NLRP3: variants seen among roughly 807,000 people sequenced by gnomAD.
The protein encoded by NLRP3 is NLR family pyrin domain containing 3.
Under a neutral mutation model 91.3 loss-of-function variants are expected in NLRP3, and 48 were observed. That is an observed-to-expected ratio of 0.53 (90% CI 0.42 to 0.67). NLRP3 has a LOEUF of 0.67. Ranked by LOEUF, NLRP3 falls within the 30% of genes least tolerant of loss-of-function variation. NLRP3 has a pLI of 0.00. For synonymous variants in NLRP3, 561 were observed against 507.9 expected (o/e 1.10, Z -1.41); for missense variants, 982 against 1,276.9 (o/e 0.77, Z 3.52).
intron 2 of NLRP3, 67 bp downstream of exon 2, chr1:247,419,144 T>TTATA (rs35723895): frequency 1.1e-4 from 106 of 966,882 alleles, no homozygotes; most frequent in East Asian, 8.0e-4. Flanking sequence ...TTTTCCATCT[T>TTATA]TATATATATA....
chr1:247,445,538 G>A (rs1022945823), intron 9 of NLRP3, among the ~76,000 whole-genome samples: 3 of 152,150 alleles, frequency 2.0e-5, no homozygotes, highest in African/African-American at 7.2e-5. Flanking sequence ...AGTGCTCCAG[G>A]AATAGCAAGA....
At chr1:247,431,549 C>A (rs1447887353) in intron 5 of NLRP3, among the ~76,000 whole-genome samples, 1 of 152,204 alleles carries the variant, frequency 6.6e-6, no homozygotes, top group Non-Finnish European at 1.5e-5. Context: ...AGACCATCAG[C>A]TCCCCGGGGA....
At chr1:247,444,256 A>G in intron 8 of NLRP3, 114 bp downstream of exon 8, 1 of 1,119,120 alleles carries the variant, frequency 8.9e-7, no homozygotes, top group South Asian at 1.3e-5. Flanking sequence ...GTGTCTTCTT[A>G]GTGTTTGCCT....
intron 9 of NLRP3, 86 bp downstream of exon 9, chr1:247,444,907 G>A (rs773255952): frequency 1.4e-4 from 191 of 1,409,828 alleles, no homozygotes; most frequent in Non-Finnish European, 1.7e-4. Flanking sequence ...GATGGCTCTC[G>A]CTTCATTTGC....
rs796602770 is a variant in NLRP3 at position 247,419,164 on chromosome 1, A to ATT, written c.277+95_277+96dup. 546 of 691,748 alleles carry ATT rather than the reference A, an allele frequency of 7.9e-4. 1 individual carries two copies. The highest frequency in any genetic ancestry group is 1.3e-3 in the South Asian group (39 of 29,152). 42.9% of individuals were successfully genotyped at this position (691,748 alleles called of 1,614,324 possible). ...CATCTTTATATATATATATATATAT[A>ATT]TTTTTTTTTGAGACGGAGTTGCTCT... is the stretch of plus-strand genomic sequence containing the variant. On this transcript the variant is annotated intron_variant, in intron 2 of 9. Coordinates refer to ENST00000336119, the MANE Select transcript of NLRP3 (RefSeq NM_001243133.2).
rs569434834 is a variant in NLRP3, at chr1:247,445,350, G to A, written c.3005+529G>A. Among the ~76,000 whole-genome samples the A allele has an allele frequency of 3.9e-5, 6 of 152,152 alleles. No homozygotes were observed. The South Asian group carries it at 1.0e-3, about 26-fold the overall frequency. On this transcript the variant is annotated intron_variant, in intron 9 of 9. Transcript: ENST00000336119. ...CAAGTAGCTGGGACCACAGGCGCCT[G>A]CCACCACACCCGGCTAATTTTTTGT...
intron 3 of NLRP3, 136 bp downstream of exon 3, chr1:247,423,485 C>A: frequency 9.2e-7 from 1 of 1,081,754 alleles, no homozygotes; most frequent in Non-Finnish European, 1.4e-6. Flanking sequence ...CTCAGGAAAT[C>A]CATTGTCAGT....
chr1:247,425,094 T>C lies in NLRP3; in HGVS notation c.1645T>C (p.Leu549=), dbSNP rs144469697. ...EGRTNVPGSR[L]KLPSRDVTVL... is the part of the protein sequence containing the mutation. ...AAGGACGAACGTTCCAGGGAGTCGT[T>C]TGAAGCTTCCCAGCCGAGACGTGAC... Residue 549 remains leucine, a synonymous_variant, in exon 4 of 10, where the codon TTG becomes CTG. Transcript: ENST00000336119. The surrounding 1 kb of genome is among the most constrained non-coding windows in gnomAD (Gnocchi z 4.1). 154 of 1,569,018 alleles carry C rather than the reference T, an allele frequency of 9.8e-5. No homozygotes were observed. The African/African-American group carries it at 1.2e-3, about 12-fold the overall frequency.
chr1:247,436,708 G>T (rs934580861), intron 7 of NLRP3, among the ~76,000 whole-genome samples: 1 of 152,220 alleles, frequency 6.6e-6, no homozygotes, highest in African/African-American at 2.4e-5. Flanking sequence ...TTTACCTCCT[G>T]TTGCAGAGAA....
intron 1 of NLRP3, among the ~76,000 whole-genome samples, chr1:247,417,836 G>A (rs983014922): frequency 1.3e-5 from 2 of 152,140 alleles, no homozygotes; most frequent in Non-Finnish European, 2.9e-5. Context: ...GTTGATAGAA[G>A]TGCAGTCAAA....
chr1:247,439,058 A>ATCTATCCATCCATCCG (rs1464308991), intron 7 of NLRP3, among the ~76,000 whole-genome samples: 2 of 152,046 alleles, frequency 1.3e-5, no homozygotes, highest in East Asian at 3.9e-4. Context: ...CCATCCATCC[A>ATCTATCCATCCATCCG]TCAATCCATC....
At chr1:247,429,890 T>C in intron 5 of NLRP3, 135 bp downstream of exon 5, 2 of 1,193,120 alleles carry the variant, frequency 1.7e-6, no homozygotes. Context: ...TTTTCTTTTT[T>C]TGAGGCAGAG....
In NLRP3 at chr1:247,418,947, T is replaced by C. The variant is rs199687987; in HGVS notation, c.147T>C (p.His49=). The C allele has an allele frequency of 6.3e-5, 101 of 1,614,018 alleles. No individual in the cohort carries two copies. The highest frequency in any genetic ancestry group is 8.4e-5 in the Non-Finnish European group (99 of 1,180,026). ...LPRGQTEKAD[H]VDLATLMIDF... ...GGGGTCAGACAGAGAAGGCAGACCA[T>C]GTGGATCTAGCCACGCTAATGATCG... Residue 49 remains histidine, a synonymous_variant, in exon 2 of 10, where the codon CAT becomes CAC. Transcript: ENST00000336119.
At chr1:247,422,943 C>T (rs564640520) in intron 2 of NLRP3, among the ~76,000 whole-genome samples, 4 of 152,186 alleles carry the variant, frequency 2.6e-5, no homozygotes, top group Non-Finnish European at 4.4e-5. Context: ...TAGCCTGCTT[C>T]GCATGTTTGC....
Position 247,435,682 on chromosome 1 carries a change from T to C in NLRP3, c.2493-288T>C, listed in dbSNP as rs183408673. Reference sequence around the variant, plus strand: ...AATGTGAAGTGCTTAAGGCCATTAATTGTGCACTTAAAAATGGTTAAAATG... The same window carrying C: ...AATGTGAAGTGCTTAAGGCCATTAACTGTGCACTTAAAAATGGTTAAAATG... On this transcript the variant is annotated intron_variant, in intron 6 of 9. Coordinates refer to ENST00000336119, the MANE Select transcript of NLRP3 (RefSeq NM_001243133.2). 4.7e-4 allele frequency among the ~76,000 whole-genome samples: 71 copies of C among 152,330 alleles called. 1 individual carries two copies. Among genetic ancestry groups the C allele is most frequent in the African/African-American group, 1.5e-3 (63 of 41,582 alleles).
At chr1:247,426,358 G>A (rs1662881935) in intron 4 of NLRP3, among the ~76,000 whole-genome samples, 1 of 152,216 alleles carries the variant, frequency 6.6e-6, no homozygotes, top group Non-Finnish European at 1.5e-5. Context: ...TCTGTGCAAT[G>A]AAGTGGTTGA....
Position 247,424,935 on chromosome 1 carries a change from G to A in NLRP3, c.1486G>A (p.Asp496Asn). The change falls in exon 4 of 10, where the codon GAT (aspartate) becomes AAT (asparagine). Residue 496 changes from aspartate to asparagine, a missense_variant. Asp to Asn is a conservative substitution (Grantham distance 23, BLOSUM62 1). Around this residue, in one of 5 missense-constraint regions of NLRP3, gnomAD observed 548 missense variants for 713.7 expected, o/e 0.77. Transcript: ENST00000336119. This position sits in a 1 kb window ranked among gnomAD's most constrained non-coding sequence, Gnocchi z 8.1. ...CAGGAATCATGGACTGCAGAAGGCG[G>A]ATGTGTCTGCTTTCCTGAGGATGAA... ...DLRNHGLQKA[D>N]VSAFLRMNLF... 6.2e-7 allele frequency: 1 copy of A among 1,613,796 alleles called. No individual in the cohort carries two copies. Among genetic ancestry groups the A allele is most frequent in the Non-Finnish European group, 8.5e-7 (1 of 1,180,038 alleles).
chr1:247,434,390 G>A (rs1663633835), intron 6 of NLRP3, 117 bp downstream of exon 6: 4 of 1,042,702 alleles, frequency 3.8e-6, no homozygotes, highest in South Asian at 2.6e-5. Context: ...CGGCTCGGGT[G>A]ACTGCGTGTG....
Position 247,448,814 on chromosome 1 carries a change from T to A in NLRP3, c.*310T>A, listed in dbSNP as rs1664768720. ...CTCATTCAATAAAGCACTTTCTTTA[T>A]TTTTCTCTTCTCTGTCTAACTTTCT... On this transcript the variant is annotated 3_prime_UTR_variant, in exon 10 of 10. Coordinates refer to ENST00000336119, the MANE Select transcript of NLRP3 (RefSeq NM_001243133.2). The A allele has an allele frequency of 2.6e-6, 1 of 379,938 alleles. No individual in the cohort carries two copies. The highest frequency in any genetic ancestry group is 4.9e-6 in the Non-Finnish European group (1 of 203,460). 23.5% of individuals were successfully genotyped at this position (379,938 alleles called of 1,614,324 possible). A position where few individuals can be genotyped will look rare whatever the true frequency, so the allele number is the denominator to read the frequency against.
Sources: allele counts gnomAD v4.1 joint callset (sites outside exome capture counted in the v4.1 genomes callset), GRCh38; gene constraint gnomAD v4.1.1; regional missense constraint gnomAD v4.1.1; non-coding constraint Gnocchi (gnomAD v3.1); transcripts MANE v1.5; gene names NCBI Gene and HGNC (gene_info 2026-07-23, HGNC 2026-07-21).